The following ASB14 variants were observed in gnomAD, a reference collection of about 807,000 sequenced individuals.
ASB14 encodes ankyrin repeat and SOCS box protein 14.
A neutral mutation model predicts 55.6 loss-of-function variants in ASB14; 63 were observed. That is an observed-to-expected ratio of 1.13 (90% CI 0.92 to 1.40). The LOEUF is 1.40. Ranked by LOEUF, ASB14 falls within the 40% of genes most tolerant of loss-of-function variation. ASB14 has a pLI of 0.00. For missense variants in ASB14, 724 were observed against 710.4 expected, an observed-to-expected ratio of 1.02 and a Z score of -0.22; for synonymous variants, 256 against 259.9, an observed-to-expected ratio of 0.98 and a Z score of 0.15.
chr3:57,288,408 T>A, intron 3 of ASB14, 122 bp from the exon 4 acceptor site: 1 of 1,094,430 alleles, frequency 9.1e-7, no homozygotes, highest in Non-Finnish European at 1.3e-6. Flanking sequence ...GCACCACCTT[T>A]TATGAAAGAC....
At chr3:57,276,321 G>A (rs576665252) in intron 10 of ASB14, among the ~76,000 whole-genome samples, 4 of 150,974 alleles carry the variant, frequency 2.6e-5, no homozygotes, top group African/African-American at 7.3e-5. Flanking sequence ...GTCTTGCTCC[G>A]GTCACCTAGG....
intron 5 of ASB14, among the ~76,000 whole-genome samples, chr3:57,287,122 CTA>C (rs2061086687): frequency 1.3e-5 from 2 of 152,120 alleles, no homozygotes; most frequent in African/African-American, 4.8e-5. Flanking sequence ...TTGCTTAACT[CTA>C]TTTGTTGAAG....
chr3:57,270,716 T>G (rs2060931697), intron 10 of ASB14: 1 of 152,586 alleles, frequency 6.6e-6, no homozygotes, highest in African/African-American at 2.4e-5. Context: ...AAGTACTGAA[T>G]CACCACTTTA....
rs2061053804 is a variant in ASB14, at chr3:57,283,359, T to C, written c.550A>G (p.Arg184Gly). 1 of 1,551,684 alleles carries C rather than the reference T, an allele frequency of 6.4e-7. No individual in the cohort carries two copies. The highest frequency in any genetic ancestry group is 2.4e-5 in the East Asian group (1 of 40,912). Reference sequence around the variant, plus strand: ...TTGGCTGCTTCGTGGAGAGCTGTCCTCTCGTTGGCACAACGCAGATTGACA... The same window carrying C: ...TTGGCTGCTTCGTGGAGAGCTGTCCCCTCGTTGGCACAACGCAGATTGACA... ...ADVNLRCANE[R>G]TALHEAAKLG... Residue 184 changes from arginine to glycine, a missense_variant, in exon 6 of 11, where the codon AGG (arginine) becomes GGG (glycine). Physicochemically the swap from Arg to Gly is moderately radical, Grantham distance 125. Transcript: ENST00000487349.
rs139180326 is a variant in ASB14 at position 57,277,847 on chromosome 3, A to G, written c.1505T>C (p.Val502Ala). Residue 502 changes from valine (V) to alanine (A), a missense_variant, in exon 9 of 11, where the codon GTT becomes GCT. Physicochemically the swap from Val to Ala is moderately conservative, Grantham distance 64. Coordinates refer to ENST00000487349, the MANE Select transcript of ASB14 (RefSeq NM_001142733.3). Reference sequence around the variant, plus strand: ...CTTTGAACAGATCCGAACTTGATCAACATAATCAAGCATCACTCGAACAAC... The same window carrying G: ...CTTTGAACAGATCCGAACTTGATCAGCATAATCAAGCATCACTCGAACAAC... ...GKVVRVMLDYVDQVRICSKLK... is the reference protein window; with the variant it reads ...GKVVRVMLDYADQVRICSKLK... The G allele has an allele frequency of 5.6e-6, 9 of 1,613,714 alleles. No individual in the cohort carries two copies. Among genetic ancestry groups the G allele is most frequent in the South Asian group, 3.3e-5 (3 of 91,068 alleles).
chr3:57,292,186 A>C, intron 1 of ASB14, 82 bp from the exon 2 acceptor site: 3 of 958,206 alleles, frequency 3.1e-6, no homozygotes, highest in Non-Finnish European at 4.2e-6. Context: ...TTTAGGAAAC[A>C]AAATATTCAC....
intron 10 of ASB14, chr3:57,273,163 G>A (rs1228445307): frequency 1.3e-5 from 2 of 152,610 alleles, no homozygotes; most frequent in Non-Finnish European, 2.9e-5. Context: ...GGGTTAAGTT[G>A]TAACTAATAT....
At chr3:57,289,501 C>CT (rs2061111227) in intron 2 of ASB14, among the ~76,000 whole-genome samples, 2 of 152,028 alleles carry the variant, frequency 1.3e-5, no homozygotes, top group Admixed American at 1.3e-4. Flanking sequence ...GTCAACGATT[C>CT]TAGCAGAAAC....
At chr3:57,276,141 T>C (rs892920098) in intron 10 of ASB14, among the ~76,000 whole-genome samples, 7 of 151,912 alleles carry the variant, frequency 4.6e-5, no homozygotes, top group African/African-American at 4.8e-5. Context: ...TTTGAGCACA[T>C]AGACATTGGA....
At chr3:57,284,717 G>A (rs2061066903) in intron 5 of ASB14, among the ~76,000 whole-genome samples, 1 of 152,162 alleles carries the variant, frequency 6.6e-6, no homozygotes, top group Non-Finnish European at 1.5e-5. Flanking sequence ...CTATCTTATA[G>A]ACAAGGAAAC....
chr3:57,291,643 C>CT (rs746810848), intron 2 of ASB14, among the ~76,000 whole-genome samples: 28 of 146,958 alleles, frequency 1.9e-4, no homozygotes, highest in Non-Finnish European at 3.8e-4. Flanking sequence ...CCTTCATATC[C>CT]TCCTTTCTTT....
At chr3:57,283,086 T>C (rs933272844) in intron 6 of ASB14, 108 bp downstream of exon 6, 3 of 1,376,546 alleles carry the variant, frequency 2.2e-6, no homozygotes, top group South Asian at 1.5e-5. Flanking sequence ...CAAACATTTA[T>C]ATTAGGCTTA....
intron 2 of ASB14, among the ~76,000 whole-genome samples, chr3:57,291,353 G>A (rs865785021): frequency 3.8e-5 from 3 of 79,574 alleles, no homozygotes; most frequent in African/African-American, 4.9e-5. Flanking sequence ...GCCAGCGAGC[G>A]TGTGAGCAGG....
At position 57,269,624 on chromosome 3, in the gene ASB14, C is replaced by T; in HGVS notation, c.*23-6G>A. ...GTGAGGGGCAGTTTGTTGTCCTTAG[C>T]AGTAGCCAGTCAGAAGAGAGTGATT... On this transcript the variant is annotated splice_region_variant and splice_polypyrimidine_tract_variant and intron_variant, in intron 10 of 10. Transcript: ENST00000487349. 6.2e-7 allele frequency: 1 copy of T among 1,614,000 alleles called. No individual in the cohort carries two copies. The highest frequency in any genetic ancestry group is 8.5e-7 in the Non-Finnish European group (1 of 1,179,974).
intron 1 of ASB14, 46 bp from the exon 2 acceptor site, chr3:57,292,150 G>A: frequency 3.0e-5 from 34 of 1,122,860 alleles, no homozygotes; most frequent in South Asian, 2.2e-4. Flanking sequence ...AAAATTGGTA[G>A]GATTAACAAT....
chr3:57,290,075 TTG>T (rs1392921272), intron 2 of ASB14, among the ~76,000 whole-genome samples: 11 of 152,232 alleles, frequency 7.2e-5, no homozygotes, highest in African/African-American at 2.4e-4. Context: ...AGATTTAGTA[TTG>T]TGTTAGTTTT....
intron 2 of ASB14, 118 bp downstream of exon 2, chr3:57,291,794 A>G (rs1400789782): frequency 9.9e-6 from 8 of 807,872 alleles, no homozygotes; most frequent in Non-Finnish European, 1.5e-5. Flanking sequence ...TATTTAATTG[A>G]CAGCTCCTTG....
intron 6 of ASB14, among the ~76,000 whole-genome samples, chr3:57,282,413 C>T (rs1355237120): frequency 6.6e-6 from 1 of 152,106 alleles, no homozygotes; most frequent in Admixed American, 6.5e-5. Context: ...ATTGATCCTA[C>T]CTTGCTTCAT....
Position 57,277,830 on chromosome 3 carries a change from A to G in ASB14, c.1522T>C (p.Cys508Arg), listed in dbSNP as rs1288340854. The G allele has an allele frequency of 6.2e-6, 10 of 1,613,950 alleles. No homozygotes were observed. The highest frequency in any genetic ancestry group is 8.5e-6 in the Non-Finnish European group (10 of 1,179,854). The change falls in exon 9 of 11, where the codon TGT (cysteine) becomes CGT (arginine). Residue 508 changes from cysteine (C) to arginine (R), a missense_variant. Coordinates refer to ENST00000487349, the MANE Select transcript of ASB14 (RefSeq NM_001142733.3). ...MLDYVDQVRI[C>R]SKLKAVLQKQ... ...TGGAGCACAGCTTTCAACTTTGAAC[A>G]GATCCGAACTTGATCAACATAATCA...
Sources: allele counts gnomAD v4.1 joint callset (sites outside exome capture counted in the v4.1 genomes callset), GRCh38; gene constraint gnomAD v4.1.1; transcripts MANE v1.5; gene names NCBI Gene and HGNC (gene_info 2026-07-23, HGNC 2026-07-21).